The following SPECC1 variants were observed in gnomAD, a reference collection of about 807,000 sequenced individuals.
SPECC1 encodes the protein sperm antigen with calponin homology and coiled-coil domains 1, also known as cytospin-B.
In SPECC1, 62 loss-of-function variants were observed where a neutral mutation model predicts 104.1. The ratio of observed to expected loss-of-function variants is 0.60; its 90% confidence interval spans 0.49 to 0.74. The LOEUF (loss-of-function observed/expected upper bound fraction) is 0.74, where lower values mean the gene tolerates loss of function less well. Ranked by LOEUF, SPECC1 falls within the 30% of genes least tolerant of loss-of-function variation. SPECC1 has a pLI of 0.00. For missense variants in SPECC1, 1,306 were observed against 1,310.5 expected, an observed-to-expected ratio of 1.00 and a Z score of 0.05; for synonymous variants, 513 against 501.6, an observed-to-expected ratio of 1.02 and a Z score of -0.30.
intron 13 of SPECC1, among the ~76,000 whole-genome samples, chr17:20,303,778 A>C (rs9915628): frequency 0.71 from 107,453 of 151,594 alleles, 39,852 homozygotes; most frequent in East Asian, 0.99. Context: ...TGTGGTGAAA[A>C]CCTGTCTCTA....
intron 3 of SPECC1, among the ~76,000 whole-genome samples, chr17:20,159,486 C>A (rs886455315): frequency 2.6e-5 from 4 of 152,140 alleles, no homozygotes; most frequent in Admixed American, 2.6e-4. Context: ...CATCTGAGAC[C>A]CGCTGTAGGC....
At chr17:20,238,644 T>C in intron 7 of SPECC1, 1 of 1,040,320 alleles carries the variant, frequency 9.6e-7, no homozygotes, top group Non-Finnish European at 1.2e-6. Context: ...TAAAATTTAC[T>C]TAGATACTTG....
At chr17:20,247,136 A>G (rs1248962456) in intron 8 of SPECC1, 83 bp from the exon 9 acceptor site, 1 of 1,131,326 alleles carries the variant, frequency 8.8e-7, no homozygotes, top group African/African-American at 1.5e-5. Flanking sequence ...AGCCACCAAA[A>G]AAAGTAACAA....
chr17:20,200,820 T>C lies in SPECC1; in HGVS notation c.284-3513T>C, dbSNP rs925579324. ...TAGCAACTCTGAACCTAACCTGTGC[T>C]CTGTAACAGTTTCTGAAATGAGGTG... On this transcript the variant is annotated intron_variant, in intron 3 of 14. Coordinates refer to ENST00000395527, the MANE Select transcript of SPECC1 (RefSeq NM_001243439.2). Among the ~76,000 whole-genome samples, 4 of 151,652 alleles carry C rather than the reference T, an allele frequency of 2.6e-5. No individual in the cohort carries two copies. The East Asian group carries it at 7.8e-4, about 29-fold the overall frequency.
intron 1 of SPECC1, among the ~76,000 whole-genome samples, chr17:20,050,398 T>A (rs1166498540): frequency 6.6e-6 from 1 of 152,212 alleles, no homozygotes; most frequent in Non-Finnish European, 1.5e-5. Flanking sequence ...TGAACCTAAT[T>A]CTTGGTCTAG....
chr17:20,168,145 A>G (rs937054395), intron 3 of SPECC1, among the ~76,000 whole-genome samples: 6 of 152,210 alleles, frequency 3.9e-5, no homozygotes, highest in African/African-American at 1.4e-4. Flanking sequence ...TGTTTCTGAT[A>G]CCAAAGCTTT....
In SPECC1 at chr17:20,173,619, A is replaced by G. The variant is rs1353078329; in HGVS notation, c.284-30714A>G. On this transcript the variant is annotated intron_variant, in intron 3 of 14. Coordinates refer to ENST00000395527, the MANE Select transcript of SPECC1 (RefSeq NM_001243439.2). Reference sequence around the variant, plus strand: ...ACTTGCCTTATTGGAGAGTGTGTAGACTGCCGTTTTAAACTGTAATTGTCA... The same window carrying G: ...ACTTGCCTTATTGGAGAGTGTGTAGGCTGCCGTTTTAAACTGTAATTGTCA... Among the ~76,000 whole-genome samples, 5 of 152,300 alleles carry G rather than the reference A, an allele frequency of 3.3e-5. No individual in the cohort carries two copies. In the East Asian group the frequency reaches 7.7e-4, roughly 24 times the overall value.
At chr17:20,284,815 T>C (rs2040887500) in intron 12 of SPECC1, among the ~76,000 whole-genome samples, 1 of 152,206 alleles carries the variant, frequency 6.6e-6, no homozygotes. Flanking sequence ...AGTGAGACTG[T>C]TTAGATCACC....
intron 4 of SPECC1, among the ~76,000 whole-genome samples, chr17:20,222,900 C>G (rs1297251396): frequency 6.6e-6 from 1 of 152,174 alleles, no homozygotes; most frequent in African/African-American, 2.4e-5. Context: ...ATGCCTCTCT[C>G]TCCCTGGCCT....
In SPECC1 at chr17:20,316,735, C is replaced by T. The variant is rs1274531911; in HGVS notation, c.*2670C>T. On this transcript the variant is annotated 3_prime_UTR_variant, in exon 15 of 15. Coordinates refer to ENST00000395527, the MANE Select transcript of SPECC1 (RefSeq NM_001243439.2). The stretch of plus-strand genomic sequence containing the variant: ...TTTTTGAGACAGAGTCTTGCTCTGT[C>T]GCCCAGGCTGGAGTGCCAGTGGCGC... 7 of 191,512 alleles carry T rather than the reference C, an allele frequency of 3.7e-5. No homozygotes were observed. The highest frequency in any genetic ancestry group is 3.2e-4 in the East Asian group (4 of 12,398). 11.9% of individuals were successfully genotyped at this position (191,512 alleles called of 1,614,324 possible).
intron 7 of SPECC1, among the ~76,000 whole-genome samples, chr17:20,232,610 G>T (rs565951802): frequency 1.1e-4 from 17 of 152,342 alleles, no homozygotes; most frequent in African/African-American, 3.6e-4. Context: ...AGGCTGCTAA[G>T]CTCCTCACTT....
chr17:20,144,564 T>G (rs952815442), intron 3 of SPECC1, among the ~76,000 whole-genome samples: 2 of 152,164 alleles, frequency 1.3e-5, no homozygotes, highest in Non-Finnish European at 2.9e-5. Flanking sequence ...ACAAAATACA[T>G]AGGAAGGTGT....
chr17:20,227,564 T>G lies in SPECC1; in HGVS notation c.2015T>G (p.Val672Gly). The G allele has an allele frequency of 6.2e-7, 1 of 1,612,570 alleles. No individual in the cohort carries two copies. Among genetic ancestry groups the G allele is most frequent in the Non-Finnish European group, 8.5e-7 (1 of 1,179,676 alleles). Residue 672 changes from valine (V) to glycine (G), a missense_variant, in exon 5 of 15, where the codon GTG becomes GGG. Around this residue, in one of 2 missense-constraint regions of SPECC1, gnomAD observed 1,177 missense variants for 1,139.9 expected, o/e 1.03. Coordinates refer to ENST00000395527, the MANE Select transcript of SPECC1 (RefSeq NM_001243439.2). Reference sequence around the variant, plus strand: ...ACCATATTTGAATTGGAAGATCAGGTGGAACAGCACCGGGCTGTCAAGTTA... The same window carrying G: ...ACCATATTTGAATTGGAAGATCAGGGGGAACAGCACCGGGCTGTCAAGTTA... Reference protein sequence around the residue: ...KETIFELEDQVEQHRAVKLHN... With the variant: ...KETIFELEDQGEQHRAVKLHN...
At chr17:20,206,536 C>T (rs2036793898) in intron 4 of SPECC1, among the ~76,000 whole-genome samples, 2 of 152,262 alleles carry the variant, frequency 1.3e-5, no homozygotes, top group East Asian at 1.9e-4. Flanking sequence ...ATATTCCTAT[C>T]ATTAAATATT....
At chr17:20,099,003 C>G (rs2047789916) in intron 2 of SPECC1, among the ~76,000 whole-genome samples, 1 of 152,152 alleles carries the variant, frequency 6.6e-6, no homozygotes, top group Non-Finnish European at 1.5e-5. Context: ...GGGCGTGGGG[C>G]TGGCCTGAGT....
chr17:20,250,094 C>T (rs1012098345), intron 9 of SPECC1, among the ~76,000 whole-genome samples: 5 of 152,304 alleles, frequency 3.3e-5, no homozygotes, highest in African/African-American at 1.2e-4. Flanking sequence ...GCAAAACTGA[C>T]ATCTTTCTTC....
intron 4 of SPECC1, among the ~76,000 whole-genome samples, chr17:20,226,385 C>T (rs12051844): frequency 0.26 from 38,844 of 151,926 alleles, 6,353 homozygotes; most frequent in African/African-American, 0.47. Context: ...AATACAGATA[C>T]AGTATAATCC....
chr17:20,204,361 C>A lies in SPECC1; in HGVS notation c.312C>A (p.Gly104=). The A allele has an allele frequency of 6.2e-7, 1 of 1,613,042 alleles. No homozygotes were observed. The highest frequency in any genetic ancestry group is 1.1e-5 in the South Asian group (1 of 90,768). Residue 104 remains glycine (G), a synonymous_variant, in exon 4 of 15, where the codon GGC becomes GGA. Coordinates refer to ENST00000395527, the MANE Select transcript of SPECC1 (RefSeq NM_001243439.2). ...CCTTTACAACAACTAAACGGACAGG[C>A]ATTCCAGCCCCACGGGAATTTTCAG... The part of the protein sequence containing the change: ...TGAFTTTKRT[G]IPAPREFSVT...
intron 3 of SPECC1, among the ~76,000 whole-genome samples, chr17:20,187,465 G>A (rs757994277): frequency 5.9e-5 from 9 of 152,114 alleles, no homozygotes; most frequent in Non-Finnish European, 1.2e-4. Flanking sequence ...TTGATGGTGT[G>A]CAGATGTGAG....
Sources: gnomAD v4.1 joint callset for allele counts (sites outside exome capture counted in the v4.1 genomes callset) on GRCh38, gnomAD v4.1.1 for gene constraint, gnomAD v4.1.1 regional missense constraint, MANE v1.5 for transcripts, NCBI Gene and HGNC (gene_info 2026-07-23, HGNC 2026-07-21) for gene names.